Variants in DCUN1D4 observed in about 807,000 individuals in gnomAD.
DCUN1D4 encodes the protein defective in cullin neddylation 1 domain containing 4, also known as DCN1-like protein 4.
A neutral mutation model predicts 47.9 loss-of-function variants in DCUN1D4; 22 were observed. The ratio of observed to expected loss-of-function variants is 0.46; its 90% confidence interval spans 0.33 to 0.66. The LOEUF is 0.66. Ranked by LOEUF, DCUN1D4 falls within the 30% of genes least tolerant of loss-of-function variation. The probability of loss-of-function intolerance (pLI) is 0.02; values close to 1 mark genes in which losing one functional copy is unlikely to be tolerated. For missense variants in DCUN1D4, 301 were observed against 340.8 expected, an observed-to-expected ratio of 0.88 and a Z score of 0.92; for synonymous variants, 121 against 112.2, an observed-to-expected ratio of 1.08 and a Z score of -0.50.
chr4:51,913,389 G>T lies in DCUN1D4; in HGVS notation c.820G>T (p.Ala274Ser). ...LDLSNYDEDG[A>S]WPVLLDEFVE... ...CCTCAGCAACTATGATGAAGATGGA[G>T]CATGTAAGTACTGCCGCTACCATTC... The change falls in exon 10 of 11, where the codon GCA becomes TCA. Residue 274 changes from alanine to serine, a missense_variant. Transcript: ENST00000334635. 2 of 1,610,132 alleles carry T rather than the reference G, an allele frequency of 1.2e-6. No individual in the cohort carries two copies. The highest frequency in any genetic ancestry group is 1.7e-5 in the Admixed American group (1 of 59,926).
upstream of DCUN1D4, among the ~76,000 whole-genome samples, chr4:51,838,924 A>G (rs1721563050): frequency 6.6e-6 from 1 of 151,982 alleles, no homozygotes; most frequent in Admixed American, 6.5e-5. Context: ...AAAACACAAC[A>G]ATTAGTCGGG....
Position 51,913,275 on chromosome 4 carries a change from T to C in DCUN1D4, c.721-15T>C. The C allele has an allele frequency of 6.5e-7, 1 of 1,540,678 alleles. No homozygotes were observed. The highest frequency in any genetic ancestry group is 8.9e-7 in the Non-Finnish European group (1 of 1,118,978). On this transcript the variant is annotated splice_polypyrimidine_tract_variant and intron_variant, in intron 9 of 10. Transcript: ENST00000334635. ...TTTAAGTGTCAGTAATTCATATTAC[T>C]TTTCCCTCCATCAGCAATCAAAATA...
chr4:51,849,790 A>AT (rs1007005741), intron 1 of DCUN1D4, among the ~76,000 whole-genome samples: 39 of 146,742 alleles, frequency 2.7e-4, no homozygotes, highest in East Asian at 1.4e-3. Context: ...CTCCTTGTGC[A>AT]TTTTTTTTTT....
At chr4:51,871,846 T>C (rs558972386) in intron 3 of DCUN1D4, among the ~76,000 whole-genome samples, 2 of 152,354 alleles carry the variant, frequency 1.3e-5, no homozygotes, top group Admixed American at 1.3e-4. Flanking sequence ...CCTTTTAATA[T>C]GCTTTAGTGG....
chr4:51,869,188 G>A (rs886180953), intron 3 of DCUN1D4, among the ~76,000 whole-genome samples: 4 of 132,924 alleles, frequency 3.0e-5, no homozygotes, highest in Non-Finnish European at 4.7e-5. Context: ...AAAAAAAAAT[G>A]AGTAGGGATG....
intron 6 of DCUN1D4, among the ~76,000 whole-genome samples, chr4:51,888,420 CT>C (rs1379761257): frequency 2.0e-5 from 3 of 152,156 alleles, no homozygotes; most frequent in Non-Finnish European, 2.9e-5. Flanking sequence ...TATTGTCATT[CT>C]TTTTTGGCAG....
intron 1 of DCUN1D4, chr4:51,844,739 C>T (rs1722238836): frequency 1.3e-6 from 1 of 758,488 alleles, no homozygotes; most frequent in African/African-American, 1.9e-5. Flanking sequence ...TGTCTCCAGT[C>T]AACGGGTATG....
rs1451087177 is a variant in DCUN1D4, at chr4:51,914,065, A to G, written c.*481A>G. ...ATTAACCTTACTGTTTAAGAGGCCA[A>G]CTTCTGGAAGGAGGTAGGAGTCATA... On this transcript the variant is annotated 3_prime_UTR_variant, in exon 11 of 11. Transcript: ENST00000334635. 1.3e-5 allele frequency: 2 copies of G among 153,488 alleles called. No individual in the cohort carries two copies. The highest frequency in any genetic ancestry group is 4.8e-5 in the African/African-American group (2 of 41,454). The allele number at this position is 153,488 out of a possible 1,614,324, so 9.5% of individuals were successfully genotyped here. A position where few individuals can be genotyped will look rare whatever the true frequency, so the allele number is the denominator to read the frequency against.
intron 1 of DCUN1D4, among the ~76,000 whole-genome samples, chr4:51,845,643 C>T (rs1722422771): frequency 6.6e-6 from 1 of 152,102 alleles, no homozygotes; most frequent in African/African-American, 2.4e-5. Context: ...AAGATTAATG[C>T]AGAGATGATA....
intron 4 of DCUN1D4, among the ~76,000 whole-genome samples, chr4:51,876,302 C>G (rs1727657935): frequency 6.6e-6 from 1 of 151,566 alleles, no homozygotes; most frequent in African/African-American, 2.4e-5. Flanking sequence ...TCATTCTCAG[C>G]AAACTATCGC....
At chr4:51,902,376 C>G (rs922856174) in intron 8 of DCUN1D4, among the ~76,000 whole-genome samples, 2 of 152,196 alleles carry the variant, frequency 1.3e-5, no homozygotes, top group African/African-American at 4.8e-5. Flanking sequence ...GAACTCTCCA[C>G]CTGTATGTCT....
intron 1 of DCUN1D4, among the ~76,000 whole-genome samples, chr4:51,849,027 C>T (rs1722968857): frequency 6.6e-6 from 1 of 152,126 alleles, no homozygotes; most frequent in South Asian, 2.1e-4. Flanking sequence ...TTGTGCTTCT[C>T]CCCCTGCCCC....
intron 3 of DCUN1D4, among the ~76,000 whole-genome samples, chr4:51,871,287 A>G (rs1469554068): frequency 1.3e-5 from 2 of 152,244 alleles, no homozygotes; most frequent in African/African-American, 4.8e-5. Context: ...GCATTTATCA[A>G]TAAGAAAGAA....
At chr4:51,913,485 G>A (rs797004681) in intron 10 of DCUN1D4, 44 bp from the exon 11 acceptor site, 11 of 1,549,538 alleles carry the variant, frequency 7.1e-6, no homozygotes, top group Admixed American at 1.7e-5. Flanking sequence ...TATTATTATT[G>A]TTATTATTAT....
rs1727934465 is a variant in DCUN1D4, at chr4:51,877,866, T to C, written c.343+12T>C. ...CTATGAATATGCAGGTAGGTATTCATTTGTATCATCTAAGACTGATCCTTA... is the reference window on the plus strand; with the variant it reads ...CTATGAATATGCAGGTAGGTATTCACTTGTATCATCTAAGACTGATCCTTA... On this transcript the variant is annotated intron_variant, in intron 5 of 10. Transcript: ENST00000334635. The C allele has an allele frequency of 6.4e-7, 1 of 1,562,550 alleles. No individual in the cohort carries two copies. Among genetic ancestry groups the C allele is most frequent in the African/African-American group, 1.4e-5 (1 of 73,674 alleles).
At position 51,913,612 on chromosome 4, in the gene DCUN1D4, AC is replaced by A. The variant is rs762403935; in HGVS notation, c.*29del. 456 of 1,602,776 alleles carry A rather than the reference AC, an allele frequency of 2.8e-4. No individual in the cohort carries two copies. The highest frequency in any genetic ancestry group is 3.4e-4 in the Non-Finnish European group (393 of 1,171,500). On this transcript the variant is annotated 3_prime_UTR_variant, in exon 11 of 11. Coordinates refer to ENST00000334635, the MANE Select transcript of DCUN1D4 (RefSeq NM_001040402.3). ...CTTTATGCATAGCAGCGAGAGAGTC[AC>A]TGTTACCACAGTTTTGTCACCCATT...
intron 8 of DCUN1D4, among the ~76,000 whole-genome samples, chr4:51,910,459 G>A (rs1367003268): frequency 6.6e-6 from 1 of 152,054 alleles, no homozygotes; most frequent in Non-Finnish European, 1.5e-5. Flanking sequence ...TCTGTCTATT[G>A]AAGGACTGTA....
rs1446759525 is a variant in DCUN1D4 at position 51,913,786 on chromosome 4, T to C, written c.*202T>C. ...TCTTGGAAGGCTGCTTTGCAGTTTG[T>C]ATTTACACTACAGATTGGTGAATTT... On this transcript the variant is annotated 3_prime_UTR_variant, in exon 11 of 11. Transcript: ENST00000334635. 1.9e-6 allele frequency: 1 copy of C among 524,180 alleles called. No individual in the cohort carries two copies. Among genetic ancestry groups the C allele is most frequent in the Non-Finnish European group, 3.4e-6 (1 of 297,326 alleles). The allele number at this position is 524,180 out of a possible 1,614,324, so 32.5% of individuals were successfully genotyped here.
In DCUN1D4 at chr4:51,844,481, G is replaced by A. The variant is rs1722177553; in HGVS notation, c.25+1214G>A. On this transcript the variant is annotated intron_variant, in intron 1 of 10. Coordinates refer to ENST00000334635, the MANE Select transcript of DCUN1D4 (RefSeq NM_001040402.3). ...CTGCGGGGTTTCAGCAGCGGGAGCC[G>A]GAGGGGTCGGGCCCTGATGGCCGGG... The A allele has an allele frequency of 4.5e-6, 4 of 887,786 alleles. No homozygotes were observed. In the Admixed American group the frequency reaches 2.5e-4, roughly 55 times the overall value. 55.0% of individuals were successfully genotyped at this position (887,786 alleles called of 1,614,324 possible).
Sources: allele counts gnomAD v4.1 joint callset (sites outside exome capture counted in the v4.1 genomes callset), GRCh38; gene constraint gnomAD v4.1.1; transcripts MANE v1.5; gene names NCBI Gene and HGNC (gene_info 2026-07-23, HGNC 2026-07-21).